Variants in PLCB4 observed in about 807,000 individuals in gnomAD.
PLCB4 encodes 1-phosphatidylinositol 4,5-bisphosphate phosphodiesterase beta-4.
PLCB4 carries 77 observed loss-of-function variants against 178.8 expected under a neutral mutation model. The ratio of observed to expected loss-of-function variants is 0.43; its 90% CI spans 0.36 to 0.52. PLCB4 has a LOEUF of 0.52. PLCB4 is among the 20% of genes least tolerant of loss of function. PLCB4 has a pLI of 0.00. For missense variants in PLCB4, 1,024 were observed against 1,453.4 expected, an observed-to-expected ratio of 0.70 and a Z score of 4.80; for synonymous variants, 496 against 490.8, an observed-to-expected ratio of 1.01 and a Z score of -0.14.
chr20:9,403,765 A>G (rs1371966708), intron 20 of PLCB4, among the ~76,000 whole-genome samples: 1 of 152,250 alleles, frequency 6.6e-6, no homozygotes, highest in African/African-American at 2.4e-5. Context: ...ACACCCATTC[A>G]GTCTACAGTT....
intron 3 of PLCB4, among the ~76,000 whole-genome samples, chr20:9,235,208 AG>A (rs1388944699): frequency 6.6e-6 from 1 of 152,136 alleles, no homozygotes; most frequent in Admixed American, 6.6e-5. Flanking sequence ...AATAGAGAAG[AG>A]GACAATCATT....
intron 3 of PLCB4, among the ~76,000 whole-genome samples, chr20:9,240,066 C>T (rs1328097478): frequency 2.6e-5 from 4 of 152,176 alleles, no homozygotes; most frequent in African/African-American, 4.8e-5. Flanking sequence ...ATGTTAATCT[C>T]GTTTGGCAAA....
chr20:9,319,836 A>G (rs562224471), intron 4 of PLCB4, among the ~76,000 whole-genome samples: 120 of 152,310 alleles, frequency 7.9e-4, no homozygotes, highest in African/African-American at 2.7e-3. Context: ...ATATTTCATC[A>G]GCCATCAGCC....
chr20:9,297,045 A>G (rs1340664912), intron 3 of PLCB4, among the ~76,000 whole-genome samples: 3 of 152,070 alleles, frequency 2.0e-5, no homozygotes, highest in African/African-American at 7.2e-5. Flanking sequence ...TTTACTCTGG[A>G]GCATATTTAT....
rs142636644 is a variant in PLCB4 at position 9,124,383 on chromosome 20, T to G, written c.-79+28041T>G. 6.1e-4 allele frequency among the ~76,000 whole-genome samples: 93 copies of G among 152,104 alleles called. 1 individual carries two copies. The highest frequency in any genetic ancestry group is 9.9e-4 in the Non-Finnish European group (67 of 67,960). On this transcript the variant is annotated intron_variant, in intron 2 of 39. Coordinates refer to ENST00000378473, the MANE Select transcript of PLCB4 (RefSeq NM_001377142.1). ...AGCACATGCCTGTAGTCCCAGCTAA[T>G]TGGGAGGCTGAGATGGGATGGGAGG...
At chr20:9,172,788 T>G (rs1048790932) in intron 2 of PLCB4, among the ~76,000 whole-genome samples, 1 of 152,178 alleles carries the variant, frequency 6.6e-6, no homozygotes, top group African/African-American at 2.4e-5. Flanking sequence ...AGGATTATAT[T>G]AAGGCAAAAT....
In PLCB4 at chr20:9,389,249, G is replaced by C. The variant is rs560491309; in HGVS notation, c.1159-630G>C. On this transcript the variant is annotated intron_variant, in intron 15 of 39. Coordinates refer to ENST00000378473, the MANE Select transcript of PLCB4 (RefSeq NM_001377142.1). ...GTAATTAAGTTCTGTGTTACAGATG[G>C]GGGGTCAAGAACACTTCTATGTTTC... is the stretch of plus-strand genomic sequence containing the variant. Among the ~76,000 whole-genome samples, 4 of 152,218 alleles carry C rather than the reference G, an allele frequency of 2.6e-5. No individual in the cohort carries two copies. In the East Asian group the frequency reaches 7.7e-4, roughly 29 times the overall value.
intron 4 of PLCB4, among the ~76,000 whole-genome samples, chr20:9,321,693 G>A (rs574720353): frequency 2.0e-5 from 3 of 152,058 alleles, no homozygotes; most frequent in Non-Finnish European, 2.9e-5. Context: ...GAGTGCCGTG[G>A]CATGCTCTGG....
At chr20:9,127,584 G>A (rs2092149451) in intron 2 of PLCB4, among the ~76,000 whole-genome samples, 1 of 151,872 alleles carries the variant, frequency 6.6e-6, no homozygotes, top group South Asian at 2.1e-4. Flanking sequence ...AGACACTTCA[G>A]GTGCCCTGCC....
intron 2 of PLCB4, among the ~76,000 whole-genome samples, chr20:9,124,712 A>G (rs1468275393): frequency 6.6e-6 from 1 of 152,186 alleles, no homozygotes; most frequent in Non-Finnish European, 1.5e-5. Context: ...GGAGAGTCCA[A>G]GGGGGTCTTA....
At chr20:9,406,519 C>T (rs1193757741) in intron 21 of PLCB4, among the ~76,000 whole-genome samples, 2 of 149,280 alleles carry the variant, frequency 1.3e-5, no homozygotes, top group African/African-American at 4.9e-5. Context: ...GATGGAGTCT[C>T]ACTCTGTTGC....
At chr20:9,443,344 CA>C (rs2042221431) in intron 30 of PLCB4, among the ~76,000 whole-genome samples, 1 of 152,148 alleles carries the variant, frequency 6.6e-6, no homozygotes, top group Non-Finnish European at 1.5e-5. Context: ...CCTTGAAATA[CA>C]AAGGTAAGAA....
chr20:9,163,600 A>C (rs113110242), intron 2 of PLCB4, among the ~76,000 whole-genome samples: 323 of 151,902 alleles, frequency 2.1e-3, no homozygotes, highest in Middle Eastern at 6.8e-3. Context: ...TGTGGTAATA[A>C]ATTTTTGTAA....
At chr20:9,119,025 C>T (rs770434400) in intron 2 of PLCB4, among the ~76,000 whole-genome samples, 2 of 152,128 alleles carry the variant, frequency 1.3e-5, no homozygotes, top group African/African-American at 4.8e-5. Flanking sequence ...GTACATTGTA[C>T]GTGTTACTGA....
At position 9,290,989 on chromosome 20, in the gene PLCB4, T is replaced by C. The variant is rs2147763458; in HGVS notation, c.-15-16811T>C. ...GGCTTCCTCAAGGTCACACACCTAG[T>C]TGGGACAGAGCTGGGGCTGGAATGT... On this transcript the variant is annotated intron_variant, in intron 3 of 39. Coordinates refer to ENST00000378473, the MANE Select transcript of PLCB4 (RefSeq NM_001377142.1). Among the ~76,000 whole-genome samples, 3 of 152,240 alleles carry C rather than the reference T, an allele frequency of 2.0e-5. No individual in the cohort carries two copies. The Middle Eastern group carries it at 0.01, about 518-fold the overall frequency.
At chr20:9,379,352 A>T (rs1458837342) in intron 12 of PLCB4, among the ~76,000 whole-genome samples, 1 of 152,170 alleles carries the variant, frequency 6.6e-6, no homozygotes, top group African/African-American at 2.4e-5. Context: ...TGTCAATTTG[A>T]AAACAATAAT....
At chr20:9,184,072 G>A (rs2093291018) in intron 2 of PLCB4, among the ~76,000 whole-genome samples, 1 of 152,068 alleles carries the variant, frequency 6.6e-6, no homozygotes, top group Non-Finnish European at 1.5e-5. Flanking sequence ...AAAATCTAAA[G>A]CCATTGGAAG....
At chr20:9,204,656 C>T (rs1482090240) in intron 2 of PLCB4, among the ~76,000 whole-genome samples, 1 of 152,098 alleles carries the variant, frequency 6.6e-6, no homozygotes, top group South Asian at 2.1e-4. Context: ...AGCCACCGCG[C>T]CCGGCCGCTC....
intron 2 of PLCB4, among the ~76,000 whole-genome samples, chr20:9,163,517 T>A (rs189154621): frequency 3.5e-4 from 54 of 152,172 alleles, no homozygotes; most frequent in African/African-American, 1.3e-3. Context: ...TTTTGTTTCG[T>A]AGATTATACA....
Sources: gnomAD v4.1 joint callset for allele counts (sites outside exome capture counted in the v4.1 genomes callset) on GRCh38, gnomAD v4.1.1 for gene constraint, MANE v1.5 for transcripts, NCBI Gene and HGNC (gene_info 2026-07-23, HGNC 2026-07-21) for gene names.